SYT16: variants seen among roughly 807,000 people sequenced by gnomAD.
SYT16 encodes synaptotagmin 16.
Under a neutral mutation model 61.4 loss-of-function variants are expected in SYT16, and 42 were observed. That is an observed-to-expected ratio of 0.68 (90% confidence interval 0.53 to 0.89). The LOEUF is 0.89. SYT16 is among the 40% of genes least tolerant of loss of function. The pLI is 0.00. For missense variants in SYT16, 804 were observed against 807.3 expected, an observed-to-expected ratio of 1.00 and a Z score of 0.05; for synonymous variants, 314 against 302.3, an observed-to-expected ratio of 1.04 and a Z score of -0.40.
At chr14:61,979,560 C>T (rs2051969792) in intron 2 of SYT16, among the ~76,000 whole-genome samples, 1 of 152,104 alleles carries the variant, frequency 6.6e-6, no homozygotes, top group Non-Finnish European at 1.5e-5. Context: ...AGTACATATT[C>T]CCCTCCTTTT....
chr14:62,000,234 C>T (rs754979273), intron 3 of SYT16, among the ~76,000 whole-genome samples: 3 of 147,984 alleles, frequency 2.0e-5, no homozygotes, highest in Non-Finnish European at 4.5e-5. Flanking sequence ...TTTTGCTTTA[C>T]GTAGTTTGAA....
At position 62,103,833 on chromosome 14, in the gene SYT16, G is replaced by C. The variant is rs969094574; in HGVS notation, c.*3126G>C. The C allele has an allele frequency of 1.3e-5, 2 of 152,190 alleles. No homozygotes were observed. Among genetic ancestry groups the C allele is most frequent in the African/African-American group, 4.8e-5 (2 of 41,446 alleles). The allele number at this position is 152,190 out of a possible 1,614,324, so 9.4% of individuals were successfully genotyped here. On this transcript the variant is annotated 3_prime_UTR_variant, in exon 8 of 8. Coordinates refer to ENST00000683842, the MANE Select transcript of SYT16 (RefSeq NM_001367656.1). Reference sequence around the variant, plus strand: ...CACCATGTTTGTGAGAGGGAAAAGAGTATGGCATTGCATAGTCATTCGCTT... The same window carrying C: ...CACCATGTTTGTGAGAGGGAAAAGACTATGGCATTGCATAGTCATTCGCTT...
intron 2 of SYT16, among the ~76,000 whole-genome samples, chr14:61,975,446 A>C (rs2051748032): frequency 6.6e-6 from 1 of 152,200 alleles, no homozygotes; most frequent in Non-Finnish European, 1.5e-5. Context: ...AAAAAGGTTT[A>C]ATTGACTCAC....
intron 1 of SYT16, among the ~76,000 whole-genome samples, chr14:61,962,290 A>T (rs980712708): frequency 1.3e-5 from 2 of 152,082 alleles, no homozygotes; most frequent in African/African-American, 4.8e-5. Context: ...AAGTTTTGCC[A>T]GGTAAATATT....
At chr14:61,920,186 C>G (rs976044253) in intron 1 of SYT16, among the ~76,000 whole-genome samples, 1 of 152,180 alleles carries the variant, frequency 6.6e-6, no homozygotes, top group African/African-American at 2.4e-5. Flanking sequence ...TCCTCCTACC[C>G]TTTTATTTTC....
At chr14:62,004,681 T>C (rs182631016) in intron 3 of SYT16, among the ~76,000 whole-genome samples, 2 of 152,300 alleles carry the variant, frequency 1.3e-5, no homozygotes, top group African/African-American at 4.8e-5. Flanking sequence ...CAAAAAGACG[T>C]GCCATGAAGA....
intron 1 of SYT16, among the ~76,000 whole-genome samples, chr14:61,839,846 T>G (rs2046251108): frequency 1.3e-5 from 2 of 151,736 alleles, no homozygotes; most frequent in Non-Finnish European, 2.9e-5. Context: ...TGTCTTTTTC[T>G]TGTGATGAAG....
At position 61,844,769 on chromosome 14, in the gene SYT16, G is replaced by A. The variant is rs138056741; in HGVS notation, c.-325+31959G>A. On this transcript the variant is annotated intron_variant, in intron 1 of 7. Transcript: ENST00000683842. ...TAATGAATGATCTTTTTAATGTATT[G>A]TTGAATTCCATTTGGTAATATTTTG... Among the ~76,000 whole-genome samples the A allele has an allele frequency of 4.5e-4, 69 of 152,166 alleles. No individual in the cohort carries two copies. The East Asian group carries it at 0.012, about 26-fold the overall frequency.
chr14:61,873,222 G>A (rs541169860), intron 1 of SYT16, among the ~76,000 whole-genome samples: 10 of 152,320 alleles, frequency 6.6e-5, no homozygotes, highest in African/African-American at 2.4e-4. Flanking sequence ...CAAGCTTGGA[G>A]AGTCCTTGGT....
intron 1 of SYT16, chr14:61,864,924 G>C (rs1264212172): frequency 2.3e-6 from 3 of 1,285,784 alleles, no homozygotes; most frequent in South Asian, 1.2e-5. Context: ...GTCTTAACCG[G>C]GGTCCTGGGC....
chr14:61,943,890 AG>A (rs1478474732), intron 1 of SYT16, among the ~76,000 whole-genome samples: 2 of 152,232 alleles, frequency 1.3e-5, no homozygotes, highest in African/African-American at 4.8e-5. Context: ...CAGGGCAATC[AG>A]GCAAGAGAAA....
At chr14:62,070,989 A>C (rs950196063) in intron 4 of SYT16, among the ~76,000 whole-genome samples, 13 of 152,198 alleles carry the variant, frequency 8.5e-5, no homozygotes, top group Non-Finnish European at 1.5e-4. Context: ...GGTGGAATTA[A>C]CAAAAAGACC....
At chr14:61,998,196 T>C (rs1266074947) in intron 3 of SYT16, among the ~76,000 whole-genome samples, 1 of 151,988 alleles carries the variant, frequency 6.6e-6, no homozygotes, top group African/African-American at 2.4e-5. Context: ...TATTCTTTTT[T>C]TTCCTCTTAA....
At chr14:61,994,780 G>A (rs1470027990) in intron 2 of SYT16, among the ~76,000 whole-genome samples, 2 of 152,156 alleles carry the variant, frequency 1.3e-5, no homozygotes, top group Non-Finnish European at 2.9e-5. Flanking sequence ...CTGGCATTGT[G>A]CCAGCATTTA....
intron 1 of SYT16, among the ~76,000 whole-genome samples, chr14:61,933,840 TAAG>T (rs1395008892): frequency 6.6e-6 from 1 of 152,168 alleles, no homozygotes; most frequent in Non-Finnish European, 1.5e-5. Context: ...GAATAGAAAA[TAAG>T]GAGGATATTT....
chr14:62,097,471 A>G (rs1420252521), intron 7 of SYT16, among the ~76,000 whole-genome samples: 1 of 152,172 alleles, frequency 6.6e-6, no homozygotes, highest in Non-Finnish European at 1.5e-5. Context: ...TGTTCATCAG[A>G]GTAAGTCACG....
chr14:61,997,402 T>C lies in SYT16; in HGVS notation c.523+860T>C, dbSNP rs151299094. 3.9e-5 allele frequency among the ~76,000 whole-genome samples: 6 copies of C among 152,192 alleles called. No individual in the cohort carries two copies. The East Asian group carries it at 9.6e-4, about 24-fold the overall frequency. On this transcript the variant is annotated intron_variant, in intron 3 of 7. Transcript: ENST00000683842. ...AAGACAAAGTTATTCAATGTCCCTC[T>C]TGCTGGAGAGAGCAGACTTTTCTGG...
chr14:62,090,139 A>C (rs768409813), intron 7 of SYT16, among the ~76,000 whole-genome samples: 1 of 152,218 alleles, frequency 6.6e-6, no homozygotes, highest in Non-Finnish European at 1.5e-5. Flanking sequence ...CTCTTTCTCC[A>C]TCTTCAGCTT....
At chr14:62,034,200 A>T (rs2054416142) in intron 3 of SYT16, among the ~76,000 whole-genome samples, 1 of 152,168 alleles carries the variant, frequency 6.6e-6, no homozygotes. Flanking sequence ...GACAGATAAT[A>T]ACAAGTGTTG....
Sources: gnomAD v4.1 joint callset for allele counts (sites outside exome capture counted in the v4.1 genomes callset) on GRCh38, gnomAD v4.1.1 for gene constraint, MANE v1.5 for transcripts, NCBI Gene and HGNC (gene_info 2026-07-23, HGNC 2026-07-21) for gene names.